NBAS: variants seen among roughly 807,000 people sequenced by gnomAD.
NBAS encodes the protein NAG/BC035112 fusion.
Under a neutral mutation model 302.5 loss-of-function variants are expected in NBAS, and 219 were observed. That is an observed-to-expected ratio of 0.72 (90% confidence interval 0.65 to 0.81). The LOEUF (loss-of-function observed/expected upper bound fraction) is 0.81. NBAS is among the 30% of genes least tolerant of loss of function. NBAS has a pLI of 0.00. For missense variants in NBAS, 2,932 were observed against 2,841.6 expected (o/e 1.03, Z -0.72); for synonymous variants, 1,118 against 1,021.6 (o/e 1.09, Z -1.80).
the NBAS span, among the ~76,000 whole-genome samples, chr2:14,781,457 T>TA: frequency 2.0e-3 from 289 of 148,066 alleles, no homozygotes; most frequent in African/African-American, 6.3e-3. Context: ...CTGGGCTACT[T>TA]AAAAAAAAAA....
At chr2:15,461,817 A>G (rs764702389) in intron 19 of NBAS, 26 bp from the exon 20 acceptor site, 28 of 1,330,906 alleles carry the variant, frequency 2.1e-5, no homozygotes, top group Non-Finnish European at 2.9e-5. Context: ...ATGAAAAGTG[A>G]TTTAATGAAA....
At chr2:14,861,484 C>A in the NBAS span, among the ~76,000 whole-genome samples, 287 of 152,292 alleles carry the variant, frequency 1.9e-3, 1 homozygote, top group African/African-American at 6.5e-3. Context: ...TGAAAATGCA[C>A]ATGCCAGTTT....
chr2:15,076,398 G>A, the NBAS span, among the ~76,000 whole-genome samples: 5 of 152,210 alleles, frequency 3.3e-5, no homozygotes, highest in African/African-American at 1.2e-4. Flanking sequence ...TGCCGTTTTA[G>A]TCATGCTAAT....
chr2:15,361,971 A>G (rs2148328770), intron 32 of NBAS, among the ~76,000 whole-genome samples: 1 of 150,694 alleles, frequency 6.6e-6, no homozygotes, highest in East Asian at 2.0e-4. Context: ...CAGGAGTGAA[A>G]CTCCATCTCA....
At chr2:15,131,132 T>G in the NBAS span, among the ~76,000 whole-genome samples, 1 of 152,192 alleles carries the variant, frequency 6.6e-6, no homozygotes, top group Non-Finnish European at 1.5e-5. Flanking sequence ...AATCTCTGGA[T>G]TCACAACTCT....
intron 35 of NBAS, among the ~76,000 whole-genome samples, chr2:15,338,943 T>G (rs1672724146): frequency 6.6e-6 from 1 of 151,938 alleles, no homozygotes; most frequent in African/African-American, 2.4e-5. Flanking sequence ...AGCCCCGGAG[T>G]TCAATGATGC....
chr2:15,167,097 GCCTGGTGAGTCC>G lies in NBAS; in HGVS notation c.7055_7066del (p.Gly2352_Gln2355del). 3.7e-6 allele frequency: 6 copies of G among 1,612,788 alleles called. No individual in the cohort carries two copies. The highest frequency in any genetic ancestry group is 5.1e-6 in the Non-Finnish European group (6 of 1,179,172). On this transcript the variant is annotated inframe_deletion, in exon 52 of 52. Transcript: ENST00000281513. ...GAGGGCTGTACTGAAGGTTCTGAAG[GCCTGGTGAGTCC>G]CCCTCACGGCCAGAAGGAGAGACCC...
At chr2:15,144,019 CTA>C in the NBAS span, among the ~76,000 whole-genome samples, 3 of 112,196 alleles carry the variant, frequency 2.7e-5, no homozygotes, top group Non-Finnish European at 5.1e-5. Context: ...TGAGTTAATA[CTA>C]TATATATATA....
chr2:15,159,231 C>T, the NBAS span, among the ~76,000 whole-genome samples: 22 of 152,312 alleles, frequency 1.4e-4, no homozygotes, highest in Admixed American at 1.4e-3. Context: ...AGGCCCTGCG[C>T]GTTCACCAGT....
chr2:15,302,905 T>C (rs1208369114), intron 40 of NBAS, among the ~76,000 whole-genome samples: 3 of 152,226 alleles, frequency 2.0e-5, no homozygotes, highest in African/African-American at 7.2e-5. Context: ...TCTCCCATGC[T>C]GGATGCTTCC....
At chr2:15,332,347 G>A (rs983092941) in intron 35 of NBAS, among the ~76,000 whole-genome samples, 3 of 152,110 alleles carry the variant, frequency 2.0e-5, no homozygotes, top group African/African-American at 7.2e-5. Flanking sequence ...TTGTTCTAAA[G>A]CTGCAAAGTT....
At chr2:15,227,393 TAGA>T (rs1667191408) in intron 47 of NBAS, among the ~76,000 whole-genome samples, 1 of 152,072 alleles carries the variant, frequency 6.6e-6, no homozygotes, top group Admixed American at 6.6e-5. Flanking sequence ...GTTCATGGAT[TAGA>T]AGAATACTGT....
At chr2:15,168,353 A>C (rs1429024697) in intron 51 of NBAS, among the ~76,000 whole-genome samples, 3 of 152,238 alleles carry the variant, frequency 2.0e-5, no homozygotes, top group African/African-American at 7.2e-5. Flanking sequence ...TGCGAAGGTC[A>C]ACTGTGTCTA....
At chr2:15,405,699 G>A (rs939330010) in intron 25 of NBAS, among the ~76,000 whole-genome samples, 12 of 152,082 alleles carry the variant, frequency 7.9e-5, no homozygotes, top group African/African-American at 2.9e-4. Flanking sequence ...TAGGATACCT[G>A]GAATATCCCA....
the NBAS span, among the ~76,000 whole-genome samples, chr2:15,037,379 C>T: frequency 7.9e-5 from 12 of 151,478 alleles, no homozygotes; most frequent in East Asian, 1.4e-3. Flanking sequence ...GGTACTACCA[C>T]TGCCGACAGA....
At chr2:15,272,389 T>C (rs1047248326) in intron 44 of NBAS, among the ~76,000 whole-genome samples, 4 of 152,194 alleles carry the variant, frequency 2.6e-5, no homozygotes, top group Admixed American at 1.3e-4. Context: ...GTTTTGCAAA[T>C]TTGGGCAAAT....
At chr2:15,190,985 T>C (rs1277059878) in intron 48 of NBAS, among the ~76,000 whole-genome samples, 1 of 152,178 alleles carries the variant, frequency 6.6e-6, no homozygotes, top group Non-Finnish European at 1.5e-5. Flanking sequence ...TTTCCTTTCA[T>C]TGAATAACTA....
rs62121512 is a variant in NBAS at position 15,204,876 on chromosome 2, G to A, written c.6432+13897C>T. On this transcript the variant is annotated intron_variant, in intron 48 of 51. Coordinates refer to ENST00000281513, the MANE Select transcript of NBAS (RefSeq NM_015909.4). ...GCCTGTCATGCAGTTGGGGGAAGGG[G>A]GAGGGATAGCATTAGGAGATATACC... 8.5e-3 allele frequency among the ~76,000 whole-genome samples: 1,294 copies of A among 152,186 alleles called. 10 individuals are homozygous for A. Among genetic ancestry groups the A allele is most frequent in the Middle Eastern group, 0.01 (3 of 294 alleles).
In NBAS at chr2:15,522,650, A is replaced by G. The variant is rs114286387; in HGVS notation, c.747-11300T>C. Among the ~76,000 whole-genome samples the G allele has an allele frequency of 3.6e-3, 548 of 152,328 alleles. 1 individual carries two copies. Among genetic ancestry groups the G allele is most frequent in the Middle Eastern group, 0.01 (3 of 294 alleles). On this transcript the variant is annotated intron_variant, in intron 9 of 51. Coordinates refer to ENST00000281513, the MANE Select transcript of NBAS (RefSeq NM_015909.4). ...ATAGGTAAGGGAAAAAAATATGGCC[A>G]AAAGATTCCATTAAAACACCATGAG...
Sources: gnomAD v4.1 joint callset for allele counts (sites outside exome capture counted in the v4.1 genomes callset) on GRCh38, gnomAD v4.1.1 for gene constraint, MANE v1.5 for transcripts, NCBI Gene and HGNC (gene_info 2026-07-23, HGNC 2026-07-21) for gene names.